IL1RAPL2: variants seen among roughly 807,000 people sequenced by gnomAD.
IL1RAPL2 encodes X-linked interleukin-1 receptor accessory protein-like 2.
IL1RAPL2 carries 3 observed loss-of-function variants against 44.1 expected under a neutral mutation model. The observed-to-expected ratio is 0.07, with a 90% CI of 0.03 to 0.18. The LOEUF (loss-of-function observed/expected upper bound fraction) is 0.18, where lower values mean the gene tolerates loss of function less well. IL1RAPL2 is among the 10% of genes least tolerant of loss of function. IL1RAPL2 has a pLI of 1.00. For synonymous variants in IL1RAPL2, 181 were observed against 178.8 expected, an observed-to-expected ratio of 1.01 and a Z score of -0.10; for missense variants, 391 against 496.4, an observed-to-expected ratio of 0.79 and a Z score of 2.02.
chrX:105,477,645 G>C (rs375386626), intron 5 of IL1RAPL2, among the ~76,000 whole-genome samples: 2 of 111,790 alleles, frequency 1.8e-5, no homozygotes, highest in East Asian at 5.7e-4. Flanking sequence ...AGGATCTCTG[G>C]CTCTCCGTAA....
intron 2 of IL1RAPL2, among the ~76,000 whole-genome samples, chrX:104,684,403 A>C (rs1027665846): frequency 8.9e-6 from 1 of 112,063 alleles, no homozygotes; most frequent in Non-Finnish European, 1.9e-5. Flanking sequence ...TCATATGCTA[A>C]ATTGATGCAG....
intron 2 of IL1RAPL2, among the ~76,000 whole-genome samples, chrX:104,744,835 A>C (rs1932148549): frequency 9.0e-6 from 1 of 111,170 alleles, no homozygotes; most frequent in Non-Finnish European, 1.9e-5. Flanking sequence ...TAAATAAATA[A>C]GACAATATAT....
At chrX:105,479,506 G>A (rs2036219872) in intron 5 of IL1RAPL2, among the ~76,000 whole-genome samples, 1 of 110,345 alleles carries the variant, frequency 9.1e-6, no homozygotes. Flanking sequence ...TTGGAAGGCC[G>A]AGGCGGGTGG....
chrX:104,605,851 C>A (rs1441525103), intron 1 of IL1RAPL2, among the ~76,000 whole-genome samples: 3 of 111,538 alleles, frequency 2.7e-5, no homozygotes, highest in Non-Finnish European at 5.7e-5. Context: ...AAAAAAAGCC[C>A]AGGACCAGAT....
Position 104,686,591 on chromosome X carries a change from C to T in IL1RAPL2, c.82+27596C>T, listed in dbSNP as rs148725046. On this transcript the variant is annotated intron_variant, in intron 2 of 10. Coordinates refer to ENST00000372582, the MANE Select transcript of IL1RAPL2 (RefSeq NM_017416.2). ...GAATCACTGAATAGATAGGGTCCAG[C>T]TAGCTAAGTTTCCTGGTCAGCCCCT... Among the ~76,000 whole-genome samples, 294 of 112,100 alleles carry T rather than the reference C, an allele frequency of 2.6e-3. 1 individual carries two copies. Among genetic ancestry groups the T allele is most frequent in the Admixed American group, 6.3e-3 (67 of 10,591 alleles).
chrX:104,883,404 G>T (rs745429403), intron 2 of IL1RAPL2, among the ~76,000 whole-genome samples: 1 of 111,063 alleles, frequency 9.0e-6, no homozygotes, highest in African/African-American at 3.3e-5. Flanking sequence ...TGCTTTTCCT[G>T]TACTTCTGGG....
chrX:104,731,681 G>A lies in IL1RAPL2; in HGVS notation c.82+72686G>A, dbSNP rs192568000. Among the ~76,000 whole-genome samples the A allele has an allele frequency of 3.6e-5, 4 of 111,704 alleles. No homozygotes were observed. In the East Asian group the frequency reaches 1.1e-3, roughly 32 times the overall value. On this transcript the variant is annotated intron_variant, in intron 2 of 10. Coordinates refer to ENST00000372582, the MANE Select transcript of IL1RAPL2 (RefSeq NM_017416.2). ...GCCTCCCAAAGTGCTAGGATTAAAG[G>A]TGTGGGCCTTTAAAGGCGCCTGGCC...
intron 2 of IL1RAPL2, among the ~76,000 whole-genome samples, chrX:104,777,531 C>T (rs1932737006): frequency 1.0e-5 from 1 of 98,996 alleles, no homozygotes. Flanking sequence ...CTCTTTGAGA[C>T]TCTGCTTTCA....
chrX:104,598,091 A>G (rs1036075840), intron 1 of IL1RAPL2, among the ~76,000 whole-genome samples: 6 of 112,259 alleles, frequency 5.3e-5, no homozygotes, highest in African/African-American at 1.9e-4. Context: ...CCAAAGAGTT[A>G]TAGTTGTATA....
In IL1RAPL2 at chrX:104,585,275, A is replaced by AT. The variant is rs1394928040; in HGVS notation, c.-20+18225dup. On this transcript the variant is annotated intron_variant, in intron 1 of 10. Transcript: ENST00000372582. ...ATATAATATATATATAATATATTAT[A>AT]TATATTATATAATATATTATATATT... is the stretch of plus-strand genomic sequence containing the variant. Among the ~76,000 whole-genome samples the AT allele has an allele frequency of 1.0e-3, 22 of 21,961 alleles. 1 individual carries two copies. Among genetic ancestry groups the AT allele is most frequent in the African/African-American group, 8.3e-3 (20 of 2,396 alleles). 19.1% of individuals were successfully genotyped at this position (21,961 alleles called of 115,157 possible).
At chrX:105,190,027 C>A (rs1325977131) in intron 2 of IL1RAPL2, among the ~76,000 whole-genome samples, 1 of 112,157 alleles carries the variant, frequency 8.9e-6, no homozygotes, top group African/African-American at 3.2e-5. Context: ...GTCACTTAAA[C>A]TCTCTGAGCT....
chrX:105,383,047 G>A lies in IL1RAPL2; in HGVS notation c.698-101266G>A, dbSNP rs748448439. ...TGAAGAGTTCCTGGGTGCAGCACAC[G>A]AACATGGCACATGTATACATATGTA... is the stretch of plus-strand genomic sequence containing the variant. On this transcript the variant is annotated intron_variant, in intron 5 of 10. Transcript: ENST00000372582. 1.1e-4 allele frequency among the ~76,000 whole-genome samples: 12 copies of A among 108,182 alleles called. No homozygotes were observed. The Admixed American group carries it at 1.2e-3, about 11-fold the overall frequency. The allele number at this position is 108,182 out of a possible 115,157, so 93.9% of individuals were successfully genotyped here. A position where few individuals can be genotyped will look rare whatever the true frequency, so the allele number is the denominator to read the frequency against.
intron 1 of IL1RAPL2, among the ~76,000 whole-genome samples, chrX:104,657,977 GA>G (rs1413932524): frequency 1.8e-5 from 2 of 112,225 alleles, no homozygotes; most frequent in African/African-American, 3.2e-5. Flanking sequence ...ACAGATGCTG[GA>G]GAGGATGTGG....
intron 1 of IL1RAPL2, among the ~76,000 whole-genome samples, chrX:104,580,551 A>T (rs1040903822): frequency 8.9e-6 from 1 of 112,415 alleles, no homozygotes; most frequent in African/African-American, 3.2e-5. Flanking sequence ...GCAACATAAG[A>T]TTGTCAGACC....
intron 2 of IL1RAPL2, among the ~76,000 whole-genome samples, chrX:104,888,176 A>C (rs1353892106): frequency 9.1e-6 from 1 of 109,492 alleles, no homozygotes; most frequent in Admixed American, 9.9e-5. Context: ...CAGCAGCATA[A>C]GTGGTTGGCA....
chrX:104,894,371 C>T (rs767368004), intron 2 of IL1RAPL2, among the ~76,000 whole-genome samples: 18 of 111,881 alleles, frequency 1.6e-4, no homozygotes, highest in Admixed American at 4.7e-4. Flanking sequence ...TAATATCCTG[C>T]GGAGTATTTT....
At chrX:104,847,977 TG>T (rs1377816136) in intron 2 of IL1RAPL2, among the ~76,000 whole-genome samples, 1 of 110,833 alleles carries the variant, frequency 9.0e-6, no homozygotes, top group Non-Finnish European at 1.9e-5. Context: ...AGTTCACTCA[TG>T]ATTTGGCTCT....
At chrX:105,705,290 G>A (rs2038156655) in intron 6 of IL1RAPL2, among the ~76,000 whole-genome samples, 1 of 111,144 alleles carries the variant, frequency 9.0e-6, no homozygotes, top group Non-Finnish European at 1.9e-5. Flanking sequence ...GTGTGTACCT[G>A]TATATGTAGG....
At chrX:105,200,005 A>G (rs2033703413) in intron 3 of IL1RAPL2, among the ~76,000 whole-genome samples, 1 of 111,534 alleles carries the variant, frequency 9.0e-6, no homozygotes, top group African/African-American at 3.3e-5. Flanking sequence ...ACTGACTTCT[A>G]CTATGTGCCA....
Sources: allele counts gnomAD v4.1 joint callset (sites outside exome capture counted in the v4.1 genomes callset), GRCh38; gene constraint gnomAD v4.1.1; transcripts MANE v1.5; gene names NCBI Gene and HGNC (gene_info 2026-07-23, HGNC 2026-07-21).